The following DCHS1 variants were observed in gnomAD, a reference collection of about 807,000 sequenced individuals.
DCHS1 encodes the protein dachsous cadherin-related 1.
DCHS1 carries 78 observed loss-of-function variants against 213.9 expected under a neutral mutation model. That is an observed-to-expected ratio of 0.36 (90% CI 0.30 to 0.44). DCHS1 has a LOEUF of 0.44. Among genes scored for constraint, DCHS1 ranks in the 20% least tolerant of loss-of-function variants. DCHS1 has a pLI of 1.00. For missense variants in DCHS1, 3,946 were observed against 4,395.9 expected (o/e 0.90, Z 2.89); for synonymous variants, 1,828 against 1,873.7 (o/e 0.98, Z 0.63).
chr11:6,622,219 C>A lies in DCHS1; in HGVS notation c.9457G>T (p.Gly3153Cys). 6.2e-7 allele frequency: 1 copy of A among 1,601,070 alleles called. No individual in the cohort carries two copies. The highest frequency in any genetic ancestry group is 8.5e-7 in the Non-Finnish European group (1 of 1,175,926). Reference protein sequence around the residue: ...VAGALTAIVAGEEELRGSYNW... With the variant: ...VAGALTAIVACEEELRGSYNW... ...TAGCTGCCACGGAGCTCCTCCTCGC[C>A]GGCCACAATGGCTGTCAGCGCACCT... Residue 3153 changes from glycine to cysteine, a missense_variant, in exon 21 of 21, where the codon GGC becomes TGC. By Grantham distance (159) the Gly-to-Cys change is radical. Coordinates refer to ENST00000299441, the MANE Select transcript of DCHS1 (RefSeq NM_003737.4). This position sits in a 1 kb window ranked among gnomAD's most constrained non-coding sequence, Gnocchi z 5.4.
chr11:6,627,546 G>T lies in DCHS1; in HGVS notation c.5493C>A (p.Gly1831=). 1 of 1,612,702 alleles carries T rather than the reference G, an allele frequency of 6.2e-7. No homozygotes were observed. Among genetic ancestry groups the T allele is most frequent in the Non-Finnish European group, 8.5e-7 (1 of 1,179,576 alleles). The change falls in exon 14 of 21, where the codon GGC becomes GGA. Residue 1831 remains glycine, a synonymous_variant. Coordinates refer to ENST00000299441, the MANE Select transcript of DCHS1 (RefSeq NM_003737.4). The surrounding 1 kb of genome is among the most constrained non-coding windows in gnomAD (Gnocchi z 5.4). ...FQLRIEARDG[G]QPALSATLLL... ...GCAGCGTGGCACTGAGAGCTGGCTGGCCTCCATCCCGGGCCTCTATCCTCA... is the reference window on the plus strand; with the variant it reads ...GCAGCGTGGCACTGAGAGCTGGCTGTCCTCCATCCCGGGCCTCTATCCTCA...
At position 6,629,968 on chromosome 11, in the gene DCHS1, C is replaced by G. The variant is rs543349440; in HGVS notation, c.4795+31G>C. On this transcript the variant is annotated intron_variant, in intron 10 of 20. Coordinates refer to ENST00000299441, the MANE Select transcript of DCHS1 (RefSeq NM_003737.4). ...CCCCAACACTCCACATCAGCACCTT[C>G]CTCGCCCTCACTCCCAGACCTAACT... is the stretch of plus-strand genomic sequence containing the variant. 41 of 1,592,178 alleles carry G rather than the reference C, an allele frequency of 2.6e-5. 3 individuals are homozygous for G. In the South Asian group the frequency reaches 4.5e-4, roughly 18 times the overall value.
At position 6,631,424 on chromosome 11, in the gene DCHS1, C is replaced by T. The variant is rs1855906101; in HGVS notation, c.3676-17G>A. 1 of 1,613,736 alleles carries T rather than the reference C, an allele frequency of 6.2e-7. No homozygotes were observed. The highest frequency in any genetic ancestry group is 8.5e-7 in the Non-Finnish European group (1 of 1,179,686). ...GTCTGGTACCTGTGGGAACACAACTCACCTAGTGAGTCTCTTTCCTGTTCT... is the reference window on the plus strand; with the variant it reads ...GTCTGGTACCTGTGGGAACACAACTTACCTAGTGAGTCTCTTTCCTGTTCT... On this transcript the variant is annotated splice_polypyrimidine_tract_variant and intron_variant, in intron 7 of 20. Transcript: ENST00000299441.
In DCHS1 at chr11:6,632,052, A is replaced by G. The variant is rs1468691904; in HGVS notation, c.3460T>C (p.Phe1154Leu). ...LQQLSEDSKA[F>L]RIHPQTGEVT... ...TCACCAGTCTGGGGGTGGATGCGGA[A>G]GGCCTTGCTGTCTTCAGACAGCTGT... Residue 1154 changes from phenylalanine (F) to leucine (L), a missense_variant, in exon 6 of 21, where the codon TTC becomes CTC. Physicochemically the swap from Phe to Leu is conservative, Grantham distance 22. Transcript: ENST00000299441. The surrounding 1 kb of genome is among the most constrained non-coding windows in gnomAD (Gnocchi z 5.9). 1.3e-6 allele frequency: 2 copies of G among 1,517,032 alleles called. No homozygotes were observed. Among genetic ancestry groups the G allele is most frequent in the Non-Finnish European group, 1.8e-6 (2 of 1,133,378 alleles). 94.0% of individuals were successfully genotyped at this position (1,517,032 alleles called of 1,614,324 possible).
chr11:6,629,127 C>T (rs1855859209), intron 12 of DCHS1, among the ~76,000 whole-genome samples: 2 of 152,208 alleles, frequency 1.3e-5, no homozygotes, highest in African/African-American at 4.8e-5. Flanking sequence ...GCTGCATGAG[C>T]TTGAGCAAGT....
chr11:6,621,836 T>C lies in DCHS1; in HGVS notation c.9840A>G (p.Ser3280=). 6.2e-7 allele frequency: 1 copy of C among 1,609,712 alleles called. No individual in the cohort carries two copies. The highest frequency in any genetic ancestry group is 2.2e-5 in the East Asian group (1 of 44,778). Residue 3280 remains serine, a synonymous_variant, in exon 21 of 21, where the codon TCA becomes TCG. Transcript: ENST00000299441. ...CCAGGCCAGACTCTGCGCTGAGTGC[T>C]GAGGCTGAGGGACCCTGGGCCACCC... is the stretch of plus-strand genomic sequence containing the variant. ...PFGVAQGPSA[S]ALSAESGLEP... is the part of the protein sequence containing the mutation.
intron 1 of DCHS1, 109 bp downstream of exon 1, chr11:6,655,454 C>G (rs1856301576): frequency 2.7e-6 from 2 of 747,338 alleles, no homozygotes; most frequent in Non-Finnish European, 3.3e-6. Context: ...CCCCCATTGT[C>G]TCCGGCTCAG....
Position 6,633,772 on chromosome 11 carries a change from A to G in DCHS1, c.2218+17T>C, listed in dbSNP as rs776696867. 6.2e-7 allele frequency: 1 copy of G among 1,609,382 alleles called. No individual in the cohort carries two copies. ...GGGGGACCTGGGGGAAGGCCCCGGG[A>G]ATGGGAGGATCCTCACCTGATTGCT... On this transcript the variant is annotated intron_variant, in intron 4 of 20. Transcript: ENST00000299441.
In DCHS1 at chr11:6,624,837, C is replaced by T. The variant is rs1855766977; in HGVS notation, c.7178G>A (p.Ser2393Asn). 6.2e-7 allele frequency: 1 copy of T among 1,613,890 alleles called. No homozygotes were observed. The highest frequency in any genetic ancestry group is 1.7e-5 in the Admixed American group (1 of 60,010). ...VMLLEHTPPG[S>N]AILSVSATDR... ...AGTGGCAGAGACGGAGAGAATGGCACTGCCTGGGGGTGTGTGCTCAAGCAG... is the reference window on the plus strand; with the variant it reads ...AGTGGCAGAGACGGAGAGAATGGCATTGCCTGGGGGTGTGTGCTCAAGCAG... The change falls in exon 20 of 21, where the codon AGT becomes AAT. Residue 2393 changes from serine (S) to asparagine (N), a missense_variant. Ser to Asn is a conservative substitution (Grantham distance 46). Coordinates refer to ENST00000299441, the MANE Select transcript of DCHS1 (RefSeq NM_003737.4).
In DCHS1 at chr11:6,634,038, C is replaced by G; in HGVS notation, c.1987-18G>C. 1 of 1,611,696 alleles carries G rather than the reference C, an allele frequency of 6.2e-7. No individual in the cohort carries two copies. The highest frequency in any genetic ancestry group is 2.2e-5 in the East Asian group (1 of 44,876). On this transcript the variant is annotated intron_variant, in intron 3 of 20. Coordinates refer to ENST00000299441, the MANE Select transcript of DCHS1 (RefSeq NM_003737.4). ...AGGCCTCCCTGGTGGGACATGCAGCCATAGGTCAGGTGGGCCTCATCTGGC... is the reference window on the plus strand; with the variant it reads ...AGGCCTCCCTGGTGGGACATGCAGCGATAGGTCAGGTGGGCCTCATCTGGC...
chr11:6,628,828 A>G lies in DCHS1; in HGVS notation c.5164T>C (p.Tyr1722His), dbSNP rs1239472076. 6.2e-7 allele frequency: 1 copy of G among 1,612,592 alleles called. No homozygotes were observed. Among genetic ancestry groups the G allele is most frequent in the Admixed American group, 1.7e-5 (1 of 59,800 alleles). ...EEQEEINLTV[Y>H]AQDRGSPPQL... ...GGAGGTGAGCCCCTGTCCTGGGCATACACTGTGGGGAAGCAAAATCAATGA... is the reference window on the plus strand; with the variant it reads ...GGAGGTGAGCCCCTGTCCTGGGCATGCACTGTGGGGAAGCAAAATCAATGA... Residue 1722 changes from tyrosine to histidine, a missense_variant and splice_region_variant, in exon 13 of 21, where the codon TAT (tyrosine) becomes CAT (histidine). Physicochemically the swap from Tyr to His is moderately conservative, Grantham distance 83. Transcript: ENST00000299441. This position sits in a 1 kb window ranked among gnomAD's most constrained non-coding sequence, Gnocchi z 4.3.
rs1166955127 is a variant in DCHS1 at position 6,641,535 on chromosome 11, G to A, written c.79C>T (p.Leu27=). 1.3e-6 allele frequency: 2 copies of A among 1,553,774 alleles called. No homozygotes were observed. Among genetic ancestry groups the A allele is most frequent in the African/African-American group, 1.4e-5 (1 of 73,210 alleles). Residue 27 remains leucine, a synonymous_variant, in exon 2 of 21, where the codon CTG becomes TTG. Transcript: ENST00000299441. This position sits in a 1 kb window ranked among gnomAD's most constrained non-coding sequence, Gnocchi z 7.1. ...GCCCCCAGCAGCAGCAGCAGCAGCA[G>A]CAGCAATGGTAGCAGGAGGTGGGGC... ...PRPHLLLPLL[L]LLLLLLGAGV...
In DCHS1 at chr11:6,624,332, C is replaced by T. The variant is rs1855757790; in HGVS notation, c.7344G>A (p.Val2448=). 1.3e-6 allele frequency: 2 copies of T among 1,582,914 alleles called. No individual in the cohort carries two copies. Among genetic ancestry groups the T allele is most frequent in the African/African-American group, 1.3e-5 (1 of 74,428 alleles). Residue 2448 remains valine (V), a synonymous_variant, in exon 21 of 21, where the codon GTG becomes GTA. Transcript: ENST00000299441. ...GGTCTCGTGCTTCCAGCACCACATCCACTGCTCCTGACCCGTCATGGCCCA... is the reference window on the plus strand; with the variant it reads ...GGTCTCGTGCTTCCAGCACCACATCTACTGCTCCTGACCCGTCATGGCCCA... ...VALGHDGSGA[V]DVVLEARDHG...
rs778345008 is a variant in DCHS1, at chr11:6,628,733, A to G, written c.5259T>C (p.Ser1753=). The G allele has an allele frequency of 4.3e-6, 7 of 1,613,976 alleles. No individual in the cohort carries two copies. The East Asian group carries it at 1.3e-4, about 31-fold the overall frequency. ...CAGGCACCTCCAGAGAGAGATGGGC[A>G]CTCCCAAAGGTTGGTGCATGGTCAT... ...DENDHAPTFG[S]AHLSLEVPEG... The change falls in exon 13 of 21, where the codon AGT becomes AGC. Residue 1753 remains serine (S), a synonymous_variant. Coordinates refer to ENST00000299441, the MANE Select transcript of DCHS1 (RefSeq NM_003737.4). This position sits in a 1 kb window ranked among gnomAD's most constrained non-coding sequence, Gnocchi z 4.3.
At position 6,625,718 on chromosome 11, in the gene DCHS1, C is replaced by T. The variant is rs1379361709; in HGVS notation, c.6741G>A (p.Leu2247=). The change falls in exon 18 of 21, where the codon CTG becomes CTA. Residue 2247 remains leucine, a synonymous_variant. Transcript: ENST00000299441. This position sits in a 1 kb window ranked among gnomAD's most constrained non-coding sequence, Gnocchi z 5.3. ...CTGGGCTCCCTCTGTCTGTGGCCAT[C>T]AGCACCAACCTGGACACAAAGCACA... The part of the protein sequence containing the change: ...REIWAETRLV[L]MATDRGSPAL... The T allele has an allele frequency of 6.2e-7, 1 of 1,603,328 alleles. No homozygotes were observed. Among genetic ancestry groups the T allele is most frequent in the Non-Finnish European group, 8.5e-7 (1 of 1,175,824 alleles).
Position 6,626,973 on chromosome 11 carries a change from C to G in DCHS1, c.6066G>C (p.Val2022=). The change falls in exon 14 of 21, where the codon GTG becomes GTC. Residue 2022 remains valine, a synonymous_variant. Coordinates refer to ENST00000299441, the MANE Select transcript of DCHS1 (RefSeq NM_003737.4). The surrounding 1 kb of genome is among the most constrained non-coding windows in gnomAD (Gnocchi z 5.2). The stretch of plus-strand genomic sequence containing the variant: ...GGCCTAGAGCTACAGGAGAGCGGGC[C>G]ACGCGGATTTCACCAGTGTAAGAGT... ...TVDSYTGEIR[V]ARSPVALGPR... 1 of 1,613,746 alleles carries G rather than the reference C, an allele frequency of 6.2e-7. No homozygotes were observed. Among genetic ancestry groups the G allele is most frequent in the Non-Finnish European group, 8.5e-7 (1 of 1,179,894 alleles).
chr11:6,649,689 C>G (rs552659745), intron 1 of DCHS1, among the ~76,000 whole-genome samples: 1 of 152,018 alleles, frequency 6.6e-6, no homozygotes, highest in African/African-American at 2.4e-5. Flanking sequence ...TAGGGAGACT[C>G]GGCAGGGACG....
chr11:6,641,173 C>T lies in DCHS1; in HGVS notation c.441G>A (p.Arg147=). ...NDHAPAFPQA[R]AALQVPEHTA... is the part of the protein sequence containing the mutation. ...TATGCTCAGGTACCTGCAGGGCAGC[C>T]CGAGCCTGTGGGAAGGCTGGAGCAT... The change falls in exon 2 of 21, where the codon CGG becomes CGA. Residue 147 remains arginine (R), a synonymous_variant. Coordinates refer to ENST00000299441, the MANE Select transcript of DCHS1 (RefSeq NM_003737.4). The surrounding 1 kb of genome is among the most constrained non-coding windows in gnomAD (Gnocchi z 7.1). 1 of 1,613,546 alleles carries T rather than the reference C, an allele frequency of 6.2e-7. No individual in the cohort carries two copies. The highest frequency in any genetic ancestry group is 1.1e-5 in the South Asian group (1 of 91,080).
Position 6,627,671 on chromosome 11 carries a change from C to T in DCHS1, c.5372-4G>A, listed in dbSNP as rs781666719. The T allele has an allele frequency of 6.2e-7, 1 of 1,610,094 alleles. No individual in the cohort carries two copies. Among genetic ancestry groups the T allele is most frequent in the South Asian group, 1.1e-5 (1 of 90,918 alleles). ...AAGGCTCCTGATGGGTCCCCATCTG[C>T]AGAGAAGGGCATGCACATATAAATA... On this transcript the variant is annotated splice_polypyrimidine_tract_variant and splice_region_variant and intron_variant, in intron 13 of 20. Transcript: ENST00000299441. The surrounding 1 kb of genome is among the most constrained non-coding windows in gnomAD (Gnocchi z 5.4).
Sources: gnomAD v4.1 joint callset for allele counts (sites outside exome capture counted in the v4.1 genomes callset) on GRCh38, gnomAD v4.1.1 for gene constraint, Gnocchi (gnomAD v3.1) non-coding constraint, MANE v1.5 for transcripts, NCBI Gene and HGNC (gene_info 2026-07-23, HGNC 2026-07-21) for gene names.